The following UNC5B variants were observed in gnomAD, a reference collection of about 807,000 sequenced individuals.
The protein encoded by UNC5B is netrin receptor UNC5B.
In UNC5B, 56 loss-of-function variants were observed where a neutral mutation model predicts 103.7. That is an observed-to-expected ratio of 0.54 (90% confidence interval 0.44 to 0.67). The LOEUF is 0.67. Among genes scored for constraint, UNC5B ranks in the 30% least tolerant of loss-of-function variants. UNC5B has a pLI of 0.00. For missense variants in UNC5B, 1,194 were observed against 1,284.5 expected (o/e 0.93, Z 1.08); for synonymous variants, 577 against 542.0 (o/e 1.06, Z -0.90).
At chr10:71,299,041 C>G (rs1466703903) in intron 16 of UNC5B, 71 bp from the exon 17 acceptor site, 3 of 1,580,986 alleles carry the variant, frequency 1.9e-6, no homozygotes, top group Non-Finnish European at 1.7e-6. Flanking sequence ...TCCCCTTGTG[C>G]CCCTTCACCT....
At chr10:71,290,124 G>T (rs960548213) in intron 8 of UNC5B, among the ~76,000 whole-genome samples, 1 of 152,206 alleles carries the variant, frequency 6.6e-6, no homozygotes, top group African/African-American at 2.4e-5. Flanking sequence ...TTTAAATTCA[G>T]TTCCTCAGCG....
intron 1 of UNC5B, among the ~76,000 whole-genome samples, chr10:71,229,893 G>C (rs962925520): frequency 4.6e-5 from 7 of 152,142 alleles, no homozygotes; most frequent in African/African-American, 1.7e-4. Context: ...CGCTGGTCAG[G>C]GTGATGCCTG....
chr10:71,239,799 A>ATTCCTCCGGTCATCTTCACAGGGT, intron 1 of UNC5B, among the ~76,000 whole-genome samples: 1 of 152,266 alleles, frequency 6.6e-6, no homozygotes, highest in East Asian at 1.9e-4. Context: ...TGAAGCCCAG[A>ATTCCTCCGGTCATCTTCACAGGGT]TTCCTCCGGT....
intron 13 of UNC5B, 149 bp from the exon 14 acceptor site, chr10:71,295,662 C>A: frequency 1.2e-6 from 1 of 868,018 alleles, no homozygotes; most frequent in Non-Finnish European, 1.8e-6. Flanking sequence ...ATCTATTCAT[C>A]TTCTCACACC....
chr10:71,291,065 T>G lies in UNC5B; in HGVS notation c.1250T>G (p.Leu417Arg). Residue 417 changes from leucine (L) to arginine (R), a missense_variant, in exon 9 of 17, where the codon CTG becomes CGG. Coordinates refer to ENST00000335350, the MANE Select transcript of UNC5B (RefSeq NM_170744.5). Reference sequence around the variant, plus strand: ...GACATCACTGACTCATCTGCTGCCCTGACTGGTGGTTTCCACCCCGTCAAC... The same window carrying G: ...GACATCACTGACTCATCTGCTGCCCGGACTGGTGGTTTCCACCCCGTCAAC... The part of the protein sequence containing the change: ...DTDITDSSAA[L>R]TGGFHPVNFK... The G allele has an allele frequency of 6.2e-7, 1 of 1,614,120 alleles. No homozygotes were observed. Among genetic ancestry groups the G allele is most frequent in the Non-Finnish European group, 8.5e-7 (1 of 1,179,994 alleles).
intron 1 of UNC5B, among the ~76,000 whole-genome samples, chr10:71,249,465 G>A (rs1272229071): frequency 6.6e-6 from 1 of 152,244 alleles, no homozygotes; most frequent in Non-Finnish European, 1.5e-5. Flanking sequence ...ATGTGTGAGT[G>A]TATATTCCAA....
chr10:71,221,470 A>G (rs1051001970), intron 1 of UNC5B, among the ~76,000 whole-genome samples: 1 of 151,940 alleles, frequency 6.6e-6, no homozygotes, highest in African/African-American at 2.4e-5. Flanking sequence ...GGGAATGAGG[A>G]CTCCTGTCTC....
At chr10:71,269,530 A>C (rs966419155) in intron 1 of UNC5B, among the ~76,000 whole-genome samples, 1 of 152,002 alleles carries the variant, frequency 6.6e-6, no homozygotes, top group Admixed American at 6.5e-5. Context: ...GAATTTCCCA[A>C]GGGATGGGCT....
intron 15 of UNC5B, among the ~76,000 whole-genome samples, chr10:71,297,190 TG>T (rs1564516620): frequency 6.6e-6 from 1 of 152,280 alleles, no homozygotes. Context: ...TATCTGGTCA[TG>T]TTTTTCTAAC....
At chr10:71,223,911 G>C (rs953348052) in intron 1 of UNC5B, among the ~76,000 whole-genome samples, 9 of 152,240 alleles carry the variant, frequency 5.9e-5, no homozygotes, top group African/African-American at 1.9e-4. Context: ...ACTGCTACCA[G>C]CTTCTTAGCA....
At position 71,281,065 on chromosome 10, in the gene UNC5B, C is replaced by G. The variant is rs572748190; in HGVS notation, c.304+1020C>G. On this transcript the variant is annotated intron_variant, in intron 2 of 16. Coordinates refer to ENST00000335350, the MANE Select transcript of UNC5B (RefSeq NM_170744.5). Reference sequence around the variant, plus strand: ...TCTTTCTTTTTCTCTTCATCCCCCTCTCTCTGTCTCACTCTCTGTCTCCCT... The same window carrying G: ...TCTTTCTTTTTCTCTTCATCCCCCTGTCTCTGTCTCACTCTCTGTCTCCCT... Among the ~76,000 whole-genome samples the G allele has an allele frequency of 3.9e-5, 6 of 152,256 alleles. No homozygotes were observed. In the East Asian group the frequency reaches 1.2e-3, roughly 29 times the overall value.
intron 1 of UNC5B, among the ~76,000 whole-genome samples, chr10:71,263,908 C>T (rs1844469238): frequency 6.6e-6 from 1 of 152,196 alleles, no homozygotes; most frequent in Admixed American, 6.5e-5. Flanking sequence ...GCATTGGTGG[C>T]TGACACAGCT....
chr10:71,217,899 C>T (rs1293072930), intron 1 of UNC5B: 1 of 152,258 alleles, frequency 6.6e-6, no homozygotes, highest in African/African-American at 2.4e-5. Context: ...TGCGGAGCCC[C>T]GGGAGCTCTA....
intron 1 of UNC5B, among the ~76,000 whole-genome samples, chr10:71,256,010 C>T (rs1422672997): frequency 3.3e-5 from 5 of 152,154 alleles, no homozygotes; most frequent in Admixed American, 6.5e-5. Context: ...TTCGGTTGGG[C>T]GGGGGCATGT....
intron 1 of UNC5B, among the ~76,000 whole-genome samples, chr10:71,224,369 A>G (rs59885382): frequency 0.15 from 12,750 of 83,432 alleles, 1,049 homozygotes; most frequent in East Asian, 0.41. Flanking sequence ...ATGTAGACAC[A>G]CACACACACA....
rs370847162 is a variant in UNC5B at position 71,290,983 on chromosome 10, A to G, written c.1168A>G (p.Ile390Val). ...GGTGGCCATCTTCGTGGTCGTGGCA[A>G]TCCTCATGGCGGTGGGGGTGGTGGT... ...LVVAIFVVVA[I>V]LMAVGVVVYR... The change falls in exon 9 of 17, where the codon ATC becomes GTC. Residue 390 changes from isoleucine to valine, a missense_variant. Physicochemically the swap from Ile to Val is conservative, Grantham distance 29. Coordinates refer to ENST00000335350, the MANE Select transcript of UNC5B (RefSeq NM_170744.5). The G allele has an allele frequency of 1.4e-5, 23 of 1,613,866 alleles. No homozygotes were observed. Among genetic ancestry groups the G allele is most frequent in the South Asian group, 7.7e-5 (7 of 91,074 alleles).
intron 1 of UNC5B, among the ~76,000 whole-genome samples, chr10:71,269,988 G>T (rs369470651): frequency 2.0e-4 from 30 of 152,248 alleles, no homozygotes; most frequent in Admixed American, 5.9e-4. Flanking sequence ...CAGCAGAGGC[G>T]CTGAGGCTAG....
chr10:71,286,625 C>T, intron 4 of UNC5B, 64 bp from the exon 5 acceptor site: 1 of 1,593,194 alleles, frequency 6.3e-7, no homozygotes, highest in Non-Finnish European at 8.6e-7. Context: ...TAGAACTGCC[C>T]TTCTTCTGTT....
chr10:71,259,502 A>T (rs1844366385), intron 1 of UNC5B, among the ~76,000 whole-genome samples: 2 of 152,180 alleles, frequency 1.3e-5, no homozygotes, highest in African/African-American at 4.8e-5. Flanking sequence ...CTGTTCACCC[A>T]TTCAAAGACT....
Sources: gnomAD v4.1 joint callset for allele counts (sites outside exome capture counted in the v4.1 genomes callset) on GRCh38, gnomAD v4.1.1 for gene constraint, MANE v1.5 for transcripts, NCBI Gene and HGNC (gene_info 2026-07-23, HGNC 2026-07-21) for gene names.